Variants in METTL25 observed in about 807,000 individuals in gnomAD.
The protein encoded by METTL25 is methyltransferase like 25.
Under a neutral mutation model 71.6 loss-of-function variants are expected in METTL25, and 64 were observed. The observed-to-expected ratio is 0.89, with a 90% CI of 0.73 to 1.10. The LOEUF is 1.10. Ranked by LOEUF, METTL25 falls within the 50% of genes least tolerant of loss-of-function variation. The pLI, the probability that METTL25 is intolerant of heterozygous loss-of-function variation, is 0.00. For missense variants in METTL25, 807 were observed against 707.0 expected (o/e 1.14, Z -1.60); for synonymous variants, 287 against 250.3 (o/e 1.15, Z -1.38).
At chr12:82,404,280 G>A (rs1565834980) in intron 5 of METTL25, among the ~76,000 whole-genome samples, 1 of 151,744 alleles carries the variant, frequency 6.6e-6, no homozygotes, top group South Asian at 2.1e-4. Flanking sequence ...GAGAGTATAC[G>A]ATTGTCATGC....
intron 5 of METTL25, among the ~76,000 whole-genome samples, chr12:82,429,560 A>G (rs1204384483): frequency 1.3e-5 from 2 of 151,740 alleles, no homozygotes; most frequent in Non-Finnish European, 2.9e-5. Flanking sequence ...TCCTTTGGAT[A>G]AATATCCAGT....
Position 82,385,185 on chromosome 12 carries a change from A to G in METTL25, c.260-1618A>G, listed in dbSNP as rs527490920. Among the ~76,000 whole-genome samples, 3 of 152,232 alleles carry G rather than the reference A, an allele frequency of 2.0e-5. No individual in the cohort carries two copies. In the South Asian group the frequency reaches 6.2e-4, roughly 32 times the overall value. ...TTTATTCATATTAATGAATTTGGTA[A>G]ACATTACCACCACCAGCTTAATAGA... On this transcript the variant is annotated intron_variant, in intron 1 of 11. Coordinates refer to ENST00000248306, the MANE Select transcript of METTL25 (RefSeq NM_032230.3).
In METTL25 at chr12:82,430,879, TC is replaced by T. The variant is rs1889428601; in HGVS notation, c.1280-9del. ...ATTTTATTTAAATAATCCGTATTTT[TC>T]CCCCATCTGCAGAACGTACTCAGGA... is the stretch of plus-strand genomic sequence containing the variant. On this transcript the variant is annotated splice_polypyrimidine_tract_variant and intron_variant, in intron 5 of 11. Transcript: ENST00000248306. The T allele has an allele frequency of 1.5e-6, 2 of 1,371,622 alleles. No individual in the cohort carries two copies. The highest frequency in any genetic ancestry group is 2.0e-6 in the Non-Finnish European group (2 of 981,736). The allele number at this position is 1,371,622 out of a possible 1,614,324, so 85.0% of individuals were successfully genotyped here. A position where few individuals can be genotyped will look rare whatever the true frequency, so the allele number is the denominator to read the frequency against.
intron 1 of METTL25, among the ~76,000 whole-genome samples, chr12:82,365,800 C>T (rs1308626693): frequency 7.0e-6 from 1 of 143,806 alleles, no homozygotes; most frequent in African/African-American, 2.5e-5. Context: ...TATCTGGCCT[C>T]GGCCGGGCGC....
rs571785679 is a variant in METTL25 at position 82,399,149 on chromosome 12, C to T, written c.886C>T (p.Leu296Phe). 1 of 1,613,738 alleles carries T rather than the reference C, an allele frequency of 6.2e-7. No individual in the cohort carries two copies. The highest frequency in any genetic ancestry group is 1.1e-5 in the South Asian group (1 of 91,040). Reference protein sequence around the residue: ...ISNIRNQMETLHSQPHQEENL... With the variant: ...ISNIRNQMETFHSQPHQEENL... ...TAATATCAGAAACCAAATGGAAACC[C>T]TTCATTCTCAGCCACATCAAGAAGA... is the stretch of plus-strand genomic sequence containing the variant. The change falls in exon 4 of 12, where the codon CTT becomes TTT. Residue 296 changes from leucine (L) to phenylalanine (F), a missense_variant. Physicochemically the swap from Leu to Phe is conservative, Grantham distance 22. Transcript: ENST00000248306.
At chr12:82,366,314 C>T (rs1033202723) in intron 1 of METTL25, among the ~76,000 whole-genome samples, 3 of 152,108 alleles carry the variant, frequency 2.0e-5, no homozygotes, top group Non-Finnish European at 4.4e-5. Flanking sequence ...CTGTGCCTGC[C>T]AAAGCATAGG....
intron 2 of METTL25, among the ~76,000 whole-genome samples, chr12:82,387,989 G>T (rs1000542622): frequency 6.6e-6 from 1 of 151,800 alleles, no homozygotes; most frequent in African/African-American, 2.4e-5. Flanking sequence ...CTCATACCTG[G>T]CATTTAGTTG....
chr12:82,384,345 G>A (rs1259156991), intron 1 of METTL25, among the ~76,000 whole-genome samples: 1 of 151,624 alleles, frequency 6.6e-6, no homozygotes, highest in African/African-American at 2.4e-5. Flanking sequence ...AACTGTTTCA[G>A]AGATGGAATG....
intron 5 of METTL25, among the ~76,000 whole-genome samples, 192 bp downstream of exon 5, chr12:82,403,322 G>C (rs1886809720): frequency 1.3e-5 from 2 of 152,178 alleles, no homozygotes; most frequent in South Asian, 4.1e-4. Flanking sequence ...CTGTATATTT[G>C]TTATAGTTTC....
chr12:82,450,197 A>G (rs1427628631), intron 8 of METTL25, among the ~76,000 whole-genome samples: 1 of 151,604 alleles, frequency 6.6e-6, no homozygotes. Context: ...TTTTCTGTCT[A>G]TACCTACTAC....
At chr12:82,366,648 G>A (rs1009900242) in intron 1 of METTL25, among the ~76,000 whole-genome samples, 1 of 151,982 alleles carries the variant, frequency 6.6e-6, no homozygotes, top group African/African-American at 2.4e-5. Context: ...GTTGGTGGTG[G>A]TAGTAATTCG....
chr12:82,418,953 A>C (rs78179392), intron 5 of METTL25, among the ~76,000 whole-genome samples: 3,719 of 152,278 alleles, frequency 0.024, 69 homozygotes, highest in Non-Finnish European at 0.035. Flanking sequence ...TGACAAGTTA[A>C]AGCAAAAGGA....
intron 5 of METTL25, among the ~76,000 whole-genome samples, chr12:82,418,499 A>C (rs1053930938): frequency 2.0e-5 from 3 of 152,168 alleles, no homozygotes; most frequent in Admixed American, 2.0e-4. Flanking sequence ...AATGTGTGAC[A>C]CTAATAATCT....
rs1167045635 is a variant in METTL25 at position 82,476,679 on chromosome 12, G to C, written c.1608G>C (p.Lys536Asn). The change falls in exon 10 of 12, where the codon AAG becomes AAC. Residue 536 changes from lysine (K) to asparagine (N), a missense_variant. Physicochemically the swap from Lys to Asn is moderately conservative, Grantham distance 94. Coordinates refer to ENST00000248306, the MANE Select transcript of METTL25 (RefSeq NM_032230.3). ...AAATTATAATGAACTACTACGAGAA[G>C]TATAAGCCTCGAATGAATGAGCTGG... ...PEKIIMNYYEKYKPRMNELEA... is the reference protein window; with the variant it reads ...PEKIIMNYYENYKPRMNELEA... The C allele has an allele frequency of 2.5e-6, 4 of 1,600,696 alleles. No individual in the cohort carries two copies. In the African/African-American group the frequency reaches 4.0e-5, roughly 16 times the overall value.
chr12:82,434,826 A>G (rs890817764), intron 7 of METTL25, 102 bp downstream of exon 7: 4 of 983,294 alleles, frequency 4.1e-6, no homozygotes, highest in African/African-American at 3.2e-5. Context: ...TTTAATAAAT[A>G]TCTTGTCCCA....
At chr12:82,467,792 G>A (rs1248024408) in intron 9 of METTL25, among the ~76,000 whole-genome samples, 1 of 151,756 alleles carries the variant, frequency 6.6e-6, no homozygotes, top group Non-Finnish European at 1.5e-5. Context: ...ATCTATTTGG[G>A]GTCTTTGAGC....
intron 1 of METTL25, among the ~76,000 whole-genome samples, chr12:82,363,072 C>T (rs1390323781): frequency 6.6e-6 from 1 of 152,084 alleles, no homozygotes. Context: ...ATTCAGAGAT[C>T]GGAGCAGGTG....
At chr12:82,472,606 A>G (rs532658947) in intron 9 of METTL25, among the ~76,000 whole-genome samples, 1 of 152,194 alleles carries the variant, frequency 6.6e-6, no homozygotes, top group South Asian at 2.1e-4. Context: ...TCGAAAAAAA[A>G]TTATTCTGCT....
rs759635395 is a variant in METTL25 at position 82,430,927 on chromosome 12, C to T, written c.1314C>T (p.Cys438=). ...RTQEKWGFPM[C]HYLKEERWCC... is the part of the protein sequence containing the mutation. The stretch of plus-strand genomic sequence containing the variant: ...AGGAAAAGTGGGGATTTCCAATGTG[C>T]CACTATTTAAAGGAAGAGAGATGGT... Residue 438 remains cysteine, a synonymous_variant, in exon 6 of 12, where the codon TGC becomes TGT. Coordinates refer to ENST00000248306, the MANE Select transcript of METTL25 (RefSeq NM_032230.3). 1.2e-6 allele frequency: 2 copies of T among 1,600,582 alleles called. No homozygotes were observed. Among genetic ancestry groups the T allele is most frequent in the South Asian group, 2.2e-5 (2 of 89,676 alleles).
Sources: allele counts gnomAD v4.1 joint callset (sites outside exome capture counted in the v4.1 genomes callset), GRCh38; gene constraint gnomAD v4.1.1; transcripts MANE v1.5; gene names NCBI Gene and HGNC (gene_info 2026-07-23, HGNC 2026-07-21).